The following ST7 variants were observed in gnomAD, a reference collection of about 807,000 sequenced individuals.
The protein encoded by ST7 is suppressor of tumorigenicity 7 protein.
Under a neutral mutation model 78.7 loss-of-function variants are expected in ST7, and 28 were observed. The observed-to-expected ratio is 0.36, with a 90% CI of 0.26 to 0.49. ST7 has a LOEUF of 0.49. Among genes scored for constraint, ST7 ranks in the 20% least tolerant of loss-of-function variants. The pLI is 0.99. For missense variants in ST7, 418 were observed against 696.0 expected (o/e 0.60, Z 4.49); for synonymous variants, 247 against 249.6 (o/e 0.99, Z 0.10).
Position 117,189,404 on chromosome 7 carries a change from A to G in ST7, c.1151+11A>G. 1.9e-6 allele frequency: 3 copies of G among 1,595,182 alleles called. No homozygotes were observed. In the East Asian group the frequency reaches 6.8e-5, roughly 36 times the overall value. On this transcript the variant is annotated intron_variant, in intron 11 of 15. Transcript: ENST00000323984. The stretch of plus-strand genomic sequence containing the variant: ...AGCTGTCTCTGACAAGTAAGTGAAT[A>G]ATAGTTTGCGCGGTACTAATGCCTG...
chr7:117,205,199 A>G (rs1040912377), intron 12 of ST7, among the ~76,000 whole-genome samples: 5 of 136,776 alleles, frequency 3.7e-5, no homozygotes, highest in African/African-American at 1.3e-4. Flanking sequence ...TTTAATGCCT[A>G]CCTATACCTT....
intron 1 of ST7, among the ~76,000 whole-genome samples, chr7:117,010,643 A>C (rs1449015631): frequency 1.3e-5 from 2 of 152,240 alleles, no homozygotes; most frequent in Non-Finnish European, 2.9e-5. Flanking sequence ...GTTGGTGAGA[A>C]TTGAGACTAG....
chr7:117,038,738 A>G (rs1200250661), intron 1 of ST7, among the ~76,000 whole-genome samples: 2 of 152,234 alleles, frequency 1.3e-5, no homozygotes, highest in Admixed American at 6.5e-5. Context: ...CACTATAGGC[A>G]GATACACAGA....
chr7:117,166,629 C>A (rs1287201125), intron 9 of ST7, among the ~76,000 whole-genome samples: 1 of 152,108 alleles, frequency 6.6e-6, no homozygotes, highest in Non-Finnish European at 1.5e-5. Context: ...GTGGCTCACA[C>A]CTGTAATCCC....
At chr7:117,130,465 C>G in intron 4 of ST7, 26 bp from the exon 5 acceptor site, 1 of 1,545,892 alleles carries the variant, frequency 6.5e-7, no homozygotes, top group Non-Finnish European at 8.9e-7. Flanking sequence ...TCAAAAGTGT[C>G]TAATCATCTT....
chr7:116,979,656 C>G (rs915847545), intron 1 of ST7, among the ~76,000 whole-genome samples: 4 of 152,150 alleles, frequency 2.6e-5, no homozygotes, highest in African/African-American at 9.7e-5. Context: ...TATTTCAACA[C>G]TTATAATCTT....
At chr7:117,034,850 A>T (rs914207159) in intron 1 of ST7, among the ~76,000 whole-genome samples, 1 of 152,164 alleles carries the variant, frequency 6.6e-6, no homozygotes, top group South Asian at 2.1e-4. Flanking sequence ...GGATGGACAG[A>T]GTTATCACTA....
At chr7:117,000,255 A>G (rs1378497176) in intron 1 of ST7, among the ~76,000 whole-genome samples, 21 of 152,222 alleles carry the variant, frequency 1.4e-4, no homozygotes. Flanking sequence ...GGCAGGTCAT[A>G]TGCTTAGGAA....
intron 10 of ST7, 106 bp from the exon 11 acceptor site, chr7:117,189,215 T>G: frequency 1.5e-6 from 1 of 660,210 alleles, no homozygotes; most frequent in South Asian, 2.3e-5. Flanking sequence ...TATTCTTCAT[T>G]TATGCTTTAT....
chr7:117,050,928 CA>C (rs11302280), intron 1 of ST7, among the ~76,000 whole-genome samples: 101,889 of 112,138 alleles, frequency 0.91, 46,061 homozygotes, highest in South Asian at 0.95. Flanking sequence ...GACTACGTCT[CA>C]AAAAAAAAAA....
At chr7:117,061,393 T>G (rs1476405491) in intron 1 of ST7, among the ~76,000 whole-genome samples, 1 of 152,206 alleles carries the variant, frequency 6.6e-6, no homozygotes, top group Non-Finnish European at 1.5e-5. Context: ...TTAAATTTAT[T>G]TGAACCTCAC....
chr7:117,117,789 C>T (rs1360575695), intron 2 of ST7: 4 of 152,108 alleles, frequency 2.6e-5, no homozygotes, highest in Admixed American at 6.5e-5. Flanking sequence ...CAGCAGGCAC[C>T]GACTTAGGTG....
Position 117,219,025 on chromosome 7 carries a change from A to T in ST7, c.1406-59A>T, listed in dbSNP as rs2116147104. 14 of 1,407,780 alleles carry T rather than the reference A, an allele frequency of 9.9e-6. No homozygotes were observed. Among genetic ancestry groups the T allele is most frequent in the African/African-American group, 1.4e-5 (1 of 69,674 alleles). 87.2% of individuals were successfully genotyped at this position (1,407,780 alleles called of 1,614,324 possible). A position where few individuals can be genotyped will look rare whatever the true frequency, so the allele number is the denominator to read the frequency against. On this transcript the variant is annotated intron_variant, in intron 13 of 15. Coordinates refer to ENST00000323984, the MANE Select transcript of ST7 (RefSeq NM_001369598.1). The surrounding 1 kb of genome is among the most constrained non-coding windows in gnomAD (Gnocchi z 5.1). ...AAAATGCTCAAACGCCCCTTTTTGC[A>T]GTTGGGAAGTTATGACACAAACATT...
chr7:117,156,121 A>G (rs144972253), intron 9 of ST7, among the ~76,000 whole-genome samples: 1 of 152,250 alleles, frequency 6.6e-6, no homozygotes, highest in Non-Finnish European at 1.5e-5. Flanking sequence ...TCATGATCTG[A>G]CAGTCTATGG....
chr7:117,166,551 G>A (rs565446580), intron 9 of ST7, among the ~76,000 whole-genome samples: 4 of 151,656 alleles, frequency 2.6e-5, no homozygotes, highest in African/African-American at 7.3e-5. Flanking sequence ...CGTCATGTCC[G>A]TGATTGCCTT....
At position 116,953,571 on chromosome 7, in the gene ST7, C is replaced by A; in HGVS notation, c.31C>A (p.Gln11Lys). Residue 11 changes from glutamine (Q) to lysine (K), a missense_variant, in exon 1 of 16, where the codon CAG (glutamine) becomes AAG (lysine). Coordinates refer to ENST00000323984, the MANE Select transcript of ST7 (RefSeq NM_001369598.1). MAEAATGFLEQLKSCIVWSWT... is the reference protein window; with the variant it reads MAEAATGFLEKLKSCIVWSWT... ...TGAAGCGGCCACGGGCTTTCTGGAG[C>A]AGCTCAAGTCCTGCATAGTTTGGTC... The A allele has an allele frequency of 6.9e-7, 1 of 1,454,416 alleles. No homozygotes were observed. The highest frequency in any genetic ancestry group is 2.0e-5 in the Admixed American group (1 of 50,324). The allele number at this position is 1,454,416 out of a possible 1,614,324, so 90.1% of individuals were successfully genotyped here. A position where few individuals can be genotyped will look rare whatever the true frequency, so the allele number is the denominator to read the frequency against.
chr7:117,168,220 C>T (rs551719349), intron 9 of ST7, among the ~76,000 whole-genome samples: 3 of 152,138 alleles, frequency 2.0e-5, no homozygotes, highest in Non-Finnish European at 4.4e-5. Flanking sequence ...TCTTTAAGCT[C>T]CTAGCATCTT....
rs568486814 is a variant in ST7 at position 117,025,741 on chromosome 7, A to G, written c.151+72050A>G. On this transcript the variant is annotated intron_variant, in intron 1 of 15. Transcript: ENST00000323984. ...TGTAATGTATTTGACTCATCTTACC[A>G]TATCACTTTTTCTTTTTTTCTGATA... is the stretch of plus-strand genomic sequence containing the variant. Among the ~76,000 whole-genome samples the G allele has an allele frequency of 3.3e-5, 5 of 152,276 alleles. No individual in the cohort carries two copies. In the South Asian group the frequency reaches 1.0e-3, roughly 32 times the overall value.
intron 9 of ST7, among the ~76,000 whole-genome samples, chr7:117,151,977 G>A (rs920948361): frequency 4.0e-5 from 6 of 151,268 alleles, no homozygotes; most frequent in Non-Finnish European, 5.9e-5. Context: ...AAAATTAGCC[G>A]GTGTGGTGGC....
Sources: gnomAD v4.1 joint callset for allele counts (sites outside exome capture counted in the v4.1 genomes callset) on GRCh38, gnomAD v4.1.1 for gene constraint, Gnocchi (gnomAD v3.1) non-coding constraint, MANE v1.5 for transcripts, NCBI Gene and HGNC (gene_info 2026-07-23, HGNC 2026-07-21) for gene names.